LRBA: variants seen among roughly 807,000 people sequenced by gnomAD.
LRBA encodes the protein LPS responsive beige-like anchor protein, also known as lipopolysaccharide-responsive and beige-like anchor protein.
A neutral mutation model predicts 330.0 loss-of-function variants in LRBA; 176 were observed. That is an observed-to-expected ratio of 0.53 (90% CI 0.47 to 0.60). The LOEUF (loss-of-function observed/expected upper bound fraction) is 0.60. Ranked by LOEUF, LRBA falls within the 20% of genes least tolerant of loss-of-function variation. The pLI is 0.00. For synonymous variants in LRBA, 1,230 were observed against 1,193.0 expected (o/e 1.03, Z -0.64); for missense variants, 3,259 against 3,444.8 (o/e 0.95, Z 1.35).
chr4:150,562,267 G>C (rs112846982), intron 40 of LRBA, among the ~76,000 whole-genome samples: 2 of 152,046 alleles, frequency 1.3e-5, no homozygotes, highest in Non-Finnish European at 2.9e-5. Flanking sequence ...AGTATTCACC[G>C]GTTGCTTTCC....
intron 13 of LRBA, among the ~76,000 whole-genome samples, chr4:150,904,092 C>T (rs1250723519): frequency 6.6e-6 from 1 of 152,178 alleles, no homozygotes; most frequent in Non-Finnish European, 1.5e-5. Context: ...GCTGGTAGCT[C>T]CCTTTTCCAA....
At chr4:150,489,647 A>ATATATAATATTATATATAAGAATATATAT (rs1758629983) in intron 41 of LRBA, among the ~76,000 whole-genome samples, 1 of 120,018 alleles carries the variant, frequency 8.3e-6, no homozygotes, top group African/African-American at 3.2e-5. Context: ...AGAATATATA[A>ATATATAATATTATATATAAGAATATATAT]TATATAATAT....
At chr4:150,998,298 A>G (rs1284233473) in intron 2 of LRBA, among the ~76,000 whole-genome samples, 1 of 150,838 alleles carries the variant, frequency 6.6e-6, no homozygotes, top group Non-Finnish European at 1.5e-5. Flanking sequence ...GGTTGCAGTG[A>G]GCCGAGATCA....
At chr4:150,352,409 A>G (rs1159564583) in intron 47 of LRBA, among the ~76,000 whole-genome samples, 1 of 152,234 alleles carries the variant, frequency 6.6e-6, no homozygotes, top group African/African-American at 2.4e-5. Context: ...CAAATATAAA[A>G]TTGAAAATAT....
At chr4:150,529,739 A>T (rs1024399951) in intron 40 of LRBA, among the ~76,000 whole-genome samples, 1 of 151,980 alleles carries the variant, frequency 6.6e-6, no homozygotes, top group African/African-American at 2.4e-5. Flanking sequence ...AAAAGAAAAA[A>T]AAAATAATAA....
At chr4:150,394,032 CA>C (rs1744374356) in intron 47 of LRBA, among the ~76,000 whole-genome samples, 1 of 152,184 alleles carries the variant, frequency 6.6e-6, no homozygotes, top group Non-Finnish European at 1.5e-5. Context: ...TGCATTTCCA[CA>C]TCAACAGTGT....
chr4:150,333,953 T>A (rs1734314947), intron 48 of LRBA, among the ~76,000 whole-genome samples: 1 of 152,040 alleles, frequency 6.6e-6, no homozygotes, highest in Non-Finnish European at 1.5e-5. Context: ...ATCAGAGATG[T>A]TTGGATGACA....
intron 44 of LRBA, among the ~76,000 whole-genome samples, chr4:150,465,940 A>G (rs1755394169): frequency 6.6e-6 from 1 of 152,104 alleles, no homozygotes; most frequent in Non-Finnish European, 1.5e-5. Context: ...GAAAATGTTA[A>G]AATTATAATA....
intron 56 of LRBA, among the ~76,000 whole-genome samples, chr4:150,272,137 G>T (rs1470591287): frequency 6.6e-6 from 1 of 152,180 alleles, no homozygotes; most frequent in Non-Finnish European, 1.5e-5. Context: ...GGAACTGGCA[G>T]CAATGTTTGC....
At chr4:150,949,908 T>G (rs1484898876) in intron 2 of LRBA, among the ~76,000 whole-genome samples, 3 of 152,112 alleles carry the variant, frequency 2.0e-5, no homozygotes, top group Admixed American at 2.0e-4. Context: ...TGCCATATAC[T>G]ATACAAAAAA....
chr4:150,404,379 T>G (rs1745900779), intron 47 of LRBA, among the ~76,000 whole-genome samples: 1 of 152,150 alleles, frequency 6.6e-6, no homozygotes, highest in Non-Finnish European at 1.5e-5. Flanking sequence ...AGAAGAGTAT[T>G]TGTAAGTTTT....
chr4:150,656,352 A>C (rs1199718216), intron 37 of LRBA, among the ~76,000 whole-genome samples: 2 of 152,186 alleles, frequency 1.3e-5, no homozygotes, highest in African/African-American at 4.8e-5. Context: ...CTGGCTGGGT[A>C]CTCAGGAGTT....
chr4:150,694,863 T>C (rs913009275), intron 36 of LRBA, among the ~76,000 whole-genome samples: 2 of 152,230 alleles, frequency 1.3e-5, no homozygotes, highest in African/African-American at 4.8e-5. Flanking sequence ...ATATAGGTTA[T>C]TCTATTTTTT....
rs1993109 is a variant in LRBA at position 150,735,437 on chromosome 4, C to T, written c.5646-71G>A. 792,724 of 967,254 alleles carry T rather than the reference C, an allele frequency of 0.82. 337,088 individuals are homozygous for T. The highest frequency in any genetic ancestry group is 0.9 in the Non-Finnish European group (541,194 of 600,168). 59.9% of individuals were successfully genotyped at this position (967,254 alleles called of 1,614,324 possible). A position where few individuals can be genotyped will look rare whatever the true frequency, so the allele number is the denominator to read the frequency against. ...AACATAAATGATTATTCACTGCTTA[C>T]GGTGGAGAGGAAGGAATACTTACTT... On this transcript the variant is annotated intron_variant, in intron 35 of 56. Coordinates refer to ENST00000651943, the MANE Select transcript of LRBA (RefSeq NM_001364905.1).
At chr4:150,772,628 G>A (rs529220494) in intron 34 of LRBA, among the ~76,000 whole-genome samples, 1 of 152,138 alleles carries the variant, frequency 6.6e-6, no homozygotes, top group African/African-American at 2.4e-5. Flanking sequence ...TTCTCAAAAG[G>A]AGAATATTTG....
intron 13 of LRBA, among the ~76,000 whole-genome samples, chr4:150,903,465 T>C (rs1213987725): frequency 1.3e-5 from 2 of 151,934 alleles, no homozygotes; most frequent in African/African-American, 4.8e-5. Flanking sequence ...AGGCTGGGCC[T>C]GATGGCTCAC....
chr4:150,806,295 G>C lies in LRBA; in HGVS notation c.5494C>G (p.Gln1832Glu), dbSNP rs1210881451. The C allele has an allele frequency of 8.7e-6, 14 of 1,604,972 alleles. No individual in the cohort carries two copies. Among genetic ancestry groups the C allele is most frequent in the Non-Finnish European group, 1.2e-5 (14 of 1,176,046 alleles). Residue 1832 changes from glutamine (Q) to glutamate (E), a missense_variant, in exon 33 of 57, where the codon CAA becomes GAA. Gln to Glu is a conservative substitution (Grantham distance 29). Coordinates refer to ENST00000651943, the MANE Select transcript of LRBA (RefSeq NM_001364905.1). ...CTTGTTCCTTCTATAAGCAGTTCTT[G>C]TCCATGGCTACCCAAAAGTGTCCGA... is the stretch of plus-strand genomic sequence containing the variant. ...LSRTLLGSHGQELLIEGTSLV... is the reference protein window; with the variant it reads ...LSRTLLGSHGEELLIEGTSLV...
intron 56 of LRBA, among the ~76,000 whole-genome samples, chr4:150,267,370 T>A (rs55728314): frequency 7.2e-5 from 11 of 151,854 alleles, no homozygotes; most frequent in African/African-American, 2.7e-4. Context: ...TAGGTACCAA[T>A]AACTGAAGGT....
chr4:150,743,576 C>T lies in LRBA; in HGVS notation c.5646-8210G>A, dbSNP rs534105791. 9.2e-5 allele frequency among the ~76,000 whole-genome samples: 14 copies of T among 152,270 alleles called. No individual in the cohort carries two copies. The South Asian group carries it at 2.9e-3, about 32-fold the overall frequency. On this transcript the variant is annotated intron_variant, in intron 35 of 56. Transcript: ENST00000651943. ...TAGAACAGGGGTCAGCAAATTAAGG[C>T]CTGTGTGCCAAATCTAGCCTGCCAA...
Sources: allele counts gnomAD v4.1 joint callset (sites outside exome capture counted in the v4.1 genomes callset), GRCh38; gene constraint gnomAD v4.1.1; transcripts MANE v1.5; gene names NCBI Gene and HGNC (gene_info 2026-07-23, HGNC 2026-07-21).